The following NRG1 variants were observed in gnomAD, a reference collection of about 807,000 sequenced individuals.
NRG1 encodes neuregulin 1.
In NRG1, 18 loss-of-function variants were observed where a neutral mutation model predicts 63.8. The observed-to-expected ratio is 0.28, with a 90% confidence interval of 0.19 to 0.42. The LOEUF (loss-of-function observed/expected upper bound fraction) is 0.42. Among genes scored for constraint, NRG1 ranks in the 10% least tolerant of loss-of-function variants. NRG1 has a pLI of 1.00. For synonymous variants in NRG1, 302 were observed against 301.3 expected (o/e 1.00, Z -0.02); for missense variants, 762 against 814.7 (o/e 0.94, Z 0.79).
intron 1 of NRG1, among the ~76,000 whole-genome samples, chr8:32,293,107 TATAAA>T (rs74809250): frequency 8.6e-5 from 13 of 150,694 alleles, no homozygotes; most frequent in East Asian, 2.0e-4. Flanking sequence ...ACGTCTAAAA[TATAAA>T]ATAAAATAAA....
intron 6 of NRG1, among the ~76,000 whole-genome samples, chr8:32,734,748 T>C (rs894224588): frequency 6.6e-6 from 1 of 152,228 alleles, no homozygotes; most frequent in Non-Finnish European, 1.5e-5. Context: ...GAAAATTCTT[T>C]AGTTTTTATA....
At chr8:32,360,353 A>G (rs1476892455) in intron 1 of NRG1, among the ~76,000 whole-genome samples, 1 of 152,234 alleles carries the variant, frequency 6.6e-6, no homozygotes, top group Admixed American at 6.5e-5. Flanking sequence ...TTAATAATAA[A>G]AATTTAATAA....
intron 1 of NRG1, among the ~76,000 whole-genome samples, chr8:32,307,584 GGGGTTTGTGT>G (rs1856334897): frequency 9.6e-6 from 1 of 103,804 alleles, no homozygotes; most frequent in Non-Finnish European, 2.0e-5. Context: ...TGGTCACCCA[GGGGTTTGTGT>G]GTGTGTGTGT....
intron 5 of NRG1, among the ~76,000 whole-genome samples, chr8:32,716,390 G>A (rs1185898932): frequency 6.6e-6 from 1 of 152,104 alleles, no homozygotes; most frequent in African/African-American, 2.4e-5. Flanking sequence ...ATTTTTAGGT[G>A]GCTTTGTAGT....
At chr8:32,568,066 G>A (rs769026125) in intron 1 of NRG1, among the ~76,000 whole-genome samples, 3 of 152,164 alleles carry the variant, frequency 2.0e-5, no homozygotes, top group Non-Finnish European at 4.4e-5. Context: ...TCAACTCCAG[G>A]TGTTTCCGTT....
At chr8:32,737,412 A>G (rs1825341599) in intron 6 of NRG1, among the ~76,000 whole-genome samples, 1 of 151,990 alleles carries the variant, frequency 6.6e-6, no homozygotes, top group African/African-American at 2.4e-5. Flanking sequence ...TTAGCTGGGC[A>G]TGGTGGTGCA....
intron 1 of NRG1, among the ~76,000 whole-genome samples, chr8:32,198,374 C>T (rs1489032013): frequency 2.6e-5 from 4 of 152,014 alleles, no homozygotes; most frequent in East Asian, 3.9e-4. Context: ...GACAGGGTTT[C>T]GCCATGTTGG....
intron 1 of NRG1, among the ~76,000 whole-genome samples, chr8:31,786,579 C>T (rs1820194471): frequency 6.6e-6 from 1 of 152,324 alleles, no homozygotes; most frequent in South Asian, 2.1e-4. Context: ...CAGTTTGTTG[C>T]GTCTGTGCTT....
chr8:32,044,930 A>AAC lies in NRG1; in HGVS notation c.37+405511_37+405512dup, dbSNP rs1554610210. Among the ~76,000 whole-genome samples the AAC allele has an allele frequency of 3.4e-4, 46 of 137,088 alleles. 3 individuals are homozygous for AAC. The highest frequency in any genetic ancestry group is 7.8e-3 in the Middle Eastern group (2 of 256). The allele number at this position is 137,088 out of a possible 152,430, so 89.9% of individuals were successfully genotyped here. On this transcript the variant is annotated intron_variant, in intron 1 of 10. Transcript: ENST00000519301. ...AAGAAAAGCAAAAAAAAAAAAAAAA[A>AAC]ACACACACACACAAAGCAATCAGAA...
At chr8:32,414,830 G>A (rs1327763531) in intron 1 of NRG1, among the ~76,000 whole-genome samples, 2 of 152,136 alleles carry the variant, frequency 1.3e-5, no homozygotes, top group African/African-American at 2.4e-5. Context: ...CCAGGTAAAT[G>A]TTAAGGTGCT....
At chr8:32,200,348 T>A (rs1843378901) in intron 1 of NRG1, among the ~76,000 whole-genome samples, 1 of 152,232 alleles carries the variant, frequency 6.6e-6, no homozygotes. Context: ...AGTTGTTCTC[T>A]TAGTGTTCAT....
At position 32,649,599 on chromosome 8, in the gene NRG1, C is replaced by T. The variant is rs375870948; in HGVS notation, c.502+32714C>T. 4.6e-5 allele frequency among the ~76,000 whole-genome samples: 7 copies of T among 152,146 alleles called. No individual in the cohort carries two copies. In the East Asian group the frequency reaches 1.2e-3, roughly 25 times the overall value. ...AAGAATAAAGAATACCTTTTCCAGA[C>T]ATCATGTTCAGTGTGAAGTAGTGCA... is the stretch of plus-strand genomic sequence containing the variant. On this transcript the variant is annotated intron_variant, in intron 5 of 11. Transcript: ENST00000356819.
At chr8:32,366,103 G>C (rs1455751740) in intron 1 of NRG1, among the ~76,000 whole-genome samples, 1 of 152,118 alleles carries the variant, frequency 6.6e-6, no homozygotes, top group Non-Finnish European at 1.5e-5. Flanking sequence ...AATTAGATTA[G>C]AATGTCAGAA....
At chr8:32,109,962 CA>C (rs1831789958) in intron 1 of NRG1, among the ~76,000 whole-genome samples, 1 of 152,116 alleles carries the variant, frequency 6.6e-6, no homozygotes, top group South Asian at 2.1e-4. Flanking sequence ...TAGGCAAATT[CA>C]ACTTCTCTGA....
intron 1 of NRG1, among the ~76,000 whole-genome samples, chr8:31,987,404 A>C (rs1261684621): frequency 1.3e-5 from 2 of 150,956 alleles, no homozygotes; most frequent in African/African-American, 4.9e-5. Flanking sequence ...ATGGAATACT[A>C]TGCAGCCATA....
chr8:31,690,472 A>T (rs1809381055), intron 1 of NRG1, among the ~76,000 whole-genome samples: 1 of 152,338 alleles, frequency 6.6e-6, no homozygotes, highest in African/African-American at 2.4e-5. Context: ...TCCTTAAGGC[A>T]GGAAAATTCC....
At chr8:32,412,453 C>A (rs58381612) in intron 1 of NRG1, among the ~76,000 whole-genome samples, 2 of 76,754 alleles carry the variant, frequency 2.6e-5, no homozygotes, top group South Asian at 4.8e-4. Context: ...TATATATATA[C>A]ATATATATAT....
intron 1 of NRG1, among the ~76,000 whole-genome samples, chr8:31,985,427 AAATT>A (rs756051948): frequency 6.6e-6 from 1 of 152,106 alleles, no homozygotes; most frequent in Non-Finnish European, 1.5e-5. Context: ...GTACCTCTAA[AAATT>A]AATGTAAAGA....
At chr8:32,285,131 G>A (rs2129473572) in intron 1 of NRG1, among the ~76,000 whole-genome samples, 1 of 152,222 alleles carries the variant, frequency 6.6e-6, no homozygotes, top group East Asian at 1.9e-4. Context: ...TCTTGTTCAG[G>A]CTCTGTCCAG....
Sources: gnomAD v4.1 joint callset for allele counts (sites outside exome capture counted in the v4.1 genomes callset) on GRCh38, gnomAD v4.1.1 for gene constraint, MANE v1.5 for transcripts, NCBI Gene and HGNC (gene_info 2026-07-23, HGNC 2026-07-21) for gene names.